The following DSCAM variants were observed in gnomAD, a reference collection of about 807,000 sequenced individuals.
DSCAM encodes the protein cell adhesion molecule DSCAM.
A neutral mutation model predicts 217.7 loss-of-function variants in DSCAM; 47 were observed. That is an observed-to-expected ratio of 0.22 (90% CI 0.17 to 0.28). DSCAM has a LOEUF of 0.28. Among genes scored for constraint, DSCAM ranks in the 10% least tolerant of loss-of-function variants. The probability of loss-of-function intolerance (pLI) is 1.00; values close to 1 mark genes in which losing one functional copy is unlikely to be tolerated. For synonymous variants in DSCAM, 1,056 were observed against 1,015.3 expected (o/e 1.04, Z -0.76); for missense variants, 2,080 against 2,618.3 (o/e 0.79, Z 4.49).
chr21:40,145,400 G>A (rs1208362056), intron 16 of DSCAM, among the ~76,000 whole-genome samples: 3 of 152,110 alleles, frequency 2.0e-5, no homozygotes, highest in Admixed American at 6.6e-5. Context: ...ATGAAGCCCC[G>A]AATCATTCTG....
At chr21:40,481,862 T>C (rs138955304) in intron 3 of DSCAM, among the ~76,000 whole-genome samples, 360 of 152,154 alleles carry the variant, frequency 2.4e-3, no homozygotes, top group African/African-American at 8.1e-3. Context: ...CACAGTTGAG[T>C]GAGGGACAGA....
rs1286195955 is a variant in DSCAM, at chr21:40,097,896, G to T, written c.3697-4022C>A. On this transcript the variant is annotated intron_variant, in intron 20 of 32. Transcript: ENST00000400454. ...GCGGAGCTTGCAGTGAGCCAAGATTGTGCCACTGCACTCCAGCCTGGGTGA... is the reference window on the plus strand; with the variant it reads ...GCGGAGCTTGCAGTGAGCCAAGATTTTGCCACTGCACTCCAGCCTGGGTGA... Among the ~76,000 whole-genome samples, 3 of 140,734 alleles carry T rather than the reference G, an allele frequency of 2.1e-5. No homozygotes were observed. In the East Asian group the frequency reaches 6.7e-4, roughly 31 times the overall value. The allele number at this position is 140,734 out of a possible 152,430, so 92.3% of individuals were successfully genotyped here. A position where few individuals can be genotyped will look rare whatever the true frequency, so the allele number is the denominator to read the frequency against.
chr21:40,660,749 C>T (rs1057092775), intron 3 of DSCAM, among the ~76,000 whole-genome samples: 5 of 152,202 alleles, frequency 3.3e-5, no homozygotes, highest in Non-Finnish European at 7.3e-5. Flanking sequence ...AGCATGTCTG[C>T]TGACCTAAGA....
intron 3 of DSCAM, among the ~76,000 whole-genome samples, chr21:40,381,074 A>AAAAAAAAAAAAAAAAAAAAAC (rs1569095596): frequency 4.8e-5 from 7 of 147,112 alleles, no homozygotes; most frequent in African/African-American, 1.6e-4. Context: ...AAAAAAAAAA[A>AAAAAAAAAAAAAAAAAAAAAC]AAAAAAAAAA....
intron 3 of DSCAM, among the ~76,000 whole-genome samples, chr21:40,415,569 A>T (rs1314368511): frequency 6.6e-6 from 1 of 152,248 alleles, no homozygotes; most frequent in Non-Finnish European, 1.5e-5. Context: ...TGGAAGAGAA[A>T]TCTAGAATCC....
intron 26 of DSCAM, among the ~76,000 whole-genome samples, chr21:40,077,388 C>T (rs1328985449): frequency 6.6e-6 from 1 of 152,120 alleles, no homozygotes; most frequent in Non-Finnish European, 1.5e-5. Flanking sequence ...CAGCCCTGGG[C>T]CATCCGGACA....
At position 40,766,692 on chromosome 21, in the gene DSCAM, CT is replaced by C. The variant is rs1197034537; in HGVS notation, c.44-57922del. 1.4e-3 allele frequency among the ~76,000 whole-genome samples: 134 copies of C among 92,590 alleles called. 1 individual carries two copies. The highest frequency in any genetic ancestry group is 0.02 in the Middle Eastern group (2 of 100). The allele number at this position is 92,590 out of a possible 152,430, so 60.7% of individuals were successfully genotyped here. ...TCCAAAAAAAAAAAAAAAAAAACAA[CT>C]TTTTTTTTTTTTTTGAGGCAGGGTC... On this transcript the variant is annotated intron_variant, in intron 1 of 32. Coordinates refer to ENST00000400454, the MANE Select transcript of DSCAM (RefSeq NM_001389.5).
intron 3 of DSCAM, among the ~76,000 whole-genome samples, chr21:40,652,547 T>G (rs566994903): frequency 3.9e-5 from 6 of 151,992 alleles, no homozygotes; most frequent in Admixed American, 2.6e-4. Context: ...CAAGGACCTA[T>G]CCACAGGAGG....
Position 40,042,611 on chromosome 21 carries a change from T to C in DSCAM, c.5446A>G (p.Arg1816Gly). The C allele has an allele frequency of 6.2e-7, 1 of 1,614,108 alleles. No homozygotes were observed. The highest frequency in any genetic ancestry group is 8.5e-7 in the Non-Finnish European group (1 of 1,180,002). The change falls in exon 32 of 33, where the codon AGG becomes GGG. Residue 1816 changes from arginine to glycine, a missense_variant. Coordinates refer to ENST00000400454, the MANE Select transcript of DSCAM (RefSeq NM_001389.5). The part of the protein sequence containing the change: ...SASSTYEELA[R>G]AYEHAKMEEQ... ...TCCATCTTGGCGTGTTCGTAGGCCC[T>C]GGCCAGTTCTTCGTAAGTGGAGGAG...
At chr21:40,666,502 G>A (rs1000966410) in intron 3 of DSCAM, among the ~76,000 whole-genome samples, 2 of 152,156 alleles carry the variant, frequency 1.3e-5, no homozygotes, top group African/African-American at 4.8e-5. Flanking sequence ...GATGACCTGA[G>A]CCCACTCTGT....
chr21:40,095,336 G>T (rs967831132), intron 20 of DSCAM, among the ~76,000 whole-genome samples: 1 of 152,186 alleles, frequency 6.6e-6, no homozygotes, highest in Admixed American at 6.5e-5. Flanking sequence ...GGGACATGGA[G>T]CCAAGCCATA....
rs1351620314 is a variant in DSCAM at position 40,144,989 on chromosome 21, T to C, written c.3019-258A>G. Among the ~76,000 whole-genome samples the C allele has an allele frequency of 6.6e-6, 1 of 152,142 alleles. No homozygotes were observed. Among genetic ancestry groups the C allele is most frequent in the Non-Finnish European group, 1.5e-5 (1 of 68,028 alleles). On this transcript the variant is annotated intron_variant, in intron 16 of 32. Coordinates refer to ENST00000400454, the MANE Select transcript of DSCAM (RefSeq NM_001389.5). This position sits in a 1 kb window ranked among gnomAD's most constrained non-coding sequence, Gnocchi z 4.8. ...CCGTCAATGGACACAGGAGGTCACC[T>C]GAGTATGCATGGCAGGAGCGGAATC...
At chr21:40,273,388 T>G (rs1453674930) in intron 11 of DSCAM, among the ~76,000 whole-genome samples, 1 of 152,190 alleles carries the variant, frequency 6.6e-6, no homozygotes, top group African/African-American at 2.4e-5. Context: ...TTTAAGAATC[T>G]AAAATTTGGC....
chr21:40,173,890 G>A (rs753404864), intron 15 of DSCAM, among the ~76,000 whole-genome samples: 4 of 152,172 alleles, frequency 2.6e-5, no homozygotes, highest in Non-Finnish European at 2.9e-5. Context: ...GTTTCAATGA[G>A]CACCCACTAA....
At chr21:40,636,806 T>A (rs556020094) in intron 3 of DSCAM, among the ~76,000 whole-genome samples, 1 of 146,674 alleles carries the variant, frequency 6.8e-6, no homozygotes, top group South Asian at 2.2e-4. Flanking sequence ...AACCACTCCA[T>A]AGCTTGAGGA....
chr21:40,174,247 T>C (rs2090695440), intron 15 of DSCAM, among the ~76,000 whole-genome samples: 1 of 152,206 alleles, frequency 6.6e-6, no homozygotes, highest in Non-Finnish European at 1.5e-5. Flanking sequence ...GGCTATTCTC[T>C]GAGGTCGAGT....
intron 1 of DSCAM, among the ~76,000 whole-genome samples, chr21:40,821,731 A>C: frequency 6.6e-6 from 1 of 152,102 alleles, no homozygotes; most frequent in East Asian, 1.9e-4. Context: ...GCTGGAGGCC[A>C]TTATCCTTAG....
At chr21:40,351,906 T>C (rs144403910) in intron 5 of DSCAM, among the ~76,000 whole-genome samples, 144 of 152,260 alleles carry the variant, frequency 9.5e-4, no homozygotes, top group Admixed American at 5.2e-4. Context: ...TAACCAAGTA[T>C]TGGGAAATAA....
At chr21:40,813,964 G>A (rs2091860117) in intron 1 of DSCAM, among the ~76,000 whole-genome samples, 1 of 151,992 alleles carries the variant, frequency 6.6e-6, no homozygotes, top group Non-Finnish European at 1.5e-5. Flanking sequence ...GGTTTCTTTT[G>A]GAGTTAATTT....
Sources: allele counts gnomAD v4.1 joint callset (sites outside exome capture counted in the v4.1 genomes callset), GRCh38; gene constraint gnomAD v4.1.1; non-coding constraint Gnocchi (gnomAD v3.1); transcripts MANE v1.5; gene names NCBI Gene and HGNC (gene_info 2026-07-23, HGNC 2026-07-21).